Variants in HORMAD1 observed in about 807,000 individuals in gnomAD.
HORMAD1 encodes the protein HORMA domain-containing protein 1.
HORMAD1 carries 33 observed loss-of-function variants against 58.2 expected under a neutral mutation model. The observed-to-expected ratio is 0.57, with a 90% CI of 0.43 to 0.76. HORMAD1 has a LOEUF of 0.76. Ranked by LOEUF, HORMAD1 falls within the 30% of genes least tolerant of loss-of-function variation. The probability of loss-of-function intolerance (pLI) is 0.00; values close to 1 mark genes in which losing one functional copy is unlikely to be tolerated. For synonymous variants in HORMAD1, 137 were observed against 144.6 expected (o/e 0.95, Z 0.38); for missense variants, 363 against 462.0 (o/e 0.79, Z 1.96).
At chr1:150,705,421 A>T (rs767237334) in intron 10 of HORMAD1, among the ~76,000 whole-genome samples, 12 of 152,106 alleles carry the variant, frequency 7.9e-5, no homozygotes, top group Non-Finnish European at 1.5e-4. Context: ...GCTACTTGGG[A>T]AGCTGAGGCA....
intron 3 of HORMAD1, among the ~76,000 whole-genome samples, chr1:150,715,463 T>G (rs1180521215): frequency 6.6e-6 from 1 of 152,174 alleles, no homozygotes; most frequent in Non-Finnish European, 1.5e-5. Context: ...CTACATGAAT[T>G]AACAAGATAT....
intron 3 of HORMAD1, among the ~76,000 whole-genome samples, chr1:150,716,019 G>T (rs926024459): frequency 6.6e-6 from 1 of 151,714 alleles, no homozygotes; most frequent in Admixed American, 6.6e-5. Flanking sequence ...CTAATAAAGG[G>T]ATAAATAAAA....
chr1:150,708,224 C>T, intron 9 of HORMAD1, 32 bp downstream of exon 9: 1 of 1,480,340 alleles, frequency 6.8e-7, no homozygotes, highest in Non-Finnish European at 9.1e-7. Flanking sequence ...AACATATGTA[C>T]CAACTGAAAC....
At chr1:150,706,953 T>G in intron 9 of HORMAD1, 144 bp from the exon 10 acceptor site, 1 of 602,964 alleles carries the variant, frequency 1.7e-6, no homozygotes, top group Non-Finnish European at 2.6e-6. Flanking sequence ...TCCTGCTATG[T>G]CCAAGTCCCC....
intron 14 of HORMAD1, 128 bp downstream of exon 14, chr1:150,699,984 A>G (rs1290535615): frequency 2.0e-6 from 1 of 498,926 alleles, no homozygotes; most frequent in Non-Finnish European, 3.5e-6. Flanking sequence ...ATATTTAAAC[A>G]AAATTTGAAT....
rs587597426 is a variant in HORMAD1, at chr1:150,716,950, G to A, written c.178+188C>T. On this transcript the variant is annotated intron_variant, in intron 3 of 14. Coordinates refer to ENST00000361824, the MANE Select transcript of HORMAD1 (RefSeq NM_032132.5). Reference sequence around the variant, plus strand: ...TGCACTCCAGCCCGGGCGAGACCCCGTCTCAAAAAAAAAAAAAAAAAAAAT... The same window carrying A: ...TGCACTCCAGCCCGGGCGAGACCCCATCTCAAAAAAAAAAAAAAAAAAAAT... 1.6e-3 allele frequency among the ~76,000 whole-genome samples: 155 copies of A among 97,530 alleles called. 1 individual carries two copies. The South Asian group carries it at 0.041, about 26-fold the overall frequency. 64.0% of individuals were successfully genotyped at this position (97,530 alleles called of 152,430 possible). A position where few individuals can be genotyped will look rare whatever the true frequency, so the allele number is the denominator to read the frequency against.
chr1:150,716,591 T>C (rs1652084823), intron 3 of HORMAD1, among the ~76,000 whole-genome samples: 1 of 152,096 alleles, frequency 6.6e-6, no homozygotes, highest in African/African-American at 2.4e-5. Flanking sequence ...TTAAGGGGTA[T>C]GGAGTTTCTT....
intron 10 of HORMAD1, 38 bp downstream of exon 10, chr1:150,706,512 TTTG>T (rs1377097022): frequency 4.7e-6 from 7 of 1,480,360 alleles, no homozygotes; most frequent in Middle Eastern, 1.8e-4. Flanking sequence ...GAGTCAAACA[TTTG>T]TTATTATTGT....
intron 3 of HORMAD1, among the ~76,000 whole-genome samples, chr1:150,716,769 C>T (rs1652092446): frequency 6.7e-6 from 1 of 149,872 alleles, no homozygotes; most frequent in Non-Finnish European, 1.5e-5. Flanking sequence ...CGAGACCATC[C>T]TGGCTAACAC....
chr1:150,717,061 C>A, intron 3 of HORMAD1, 77 bp downstream of exon 3: 2 of 904,616 alleles, frequency 2.2e-6, no homozygotes, highest in South Asian at 2.5e-5. Flanking sequence ...ATTTCTAAGT[C>A]AAAAATTATA....
intron 6 of HORMAD1, 81 bp from the exon 7 acceptor site, chr1:150,711,652 G>T: frequency 1.8e-6 from 2 of 1,135,290 alleles, no homozygotes; most frequent in Non-Finnish European, 2.6e-6. Context: ...TAAACTTCAT[G>T]TGAACTCAGC....
Position 150,706,788 on chromosome 1 carries a change from G to A in HORMAD1, c.569C>T (p.Pro190Leu), listed in dbSNP as rs746817337. The A allele has an allele frequency of 6.2e-7, 1 of 1,610,462 alleles. No homozygotes were observed. Among genetic ancestry groups the A allele is most frequent in the Non-Finnish European group, 8.5e-7 (1 of 1,177,658 alleles). The change falls in exon 10 of 15, where the codon CCT (proline) becomes CTT (leucine). Residue 190 changes from proline (P) to leucine (L), a missense_variant. Around this residue, in one of 3 missense-constraint regions of HORMAD1, gnomAD observed 226 missense variants for 257.8 expected, o/e 0.88. Transcript: ENST00000361824. Reference sequence around the variant, plus strand: ...ACAATCACCATCCTTAAAACCGGGAGGCTGGTAATCTGGGGGTGTAACTGC... The same window carrying A: ...ACAATCACCATCCTTAAAACCGGGAAGCTGGTAATCTGGGGGTGTAACTGC... ...YDEVTPPDYQPPGFKDGDCEG... is the reference protein window; with the variant it reads ...YDEVTPPDYQLPGFKDGDCEG...
Position 150,714,740 on chromosome 1 carries a change from A to C in HORMAD1, c.179-62T>G. 4.0e-6 allele frequency: 3 copies of C among 744,492 alleles called. No individual in the cohort carries two copies. In the South Asian group the frequency reaches 6.6e-5, roughly 16 times the overall value. The allele number at this position is 744,492 out of a possible 1,614,324, so 46.1% of individuals were successfully genotyped here. A position where few individuals can be genotyped will look rare whatever the true frequency, so the allele number is the denominator to read the frequency against. Reference sequence around the variant, plus strand: ...GAAAAGTAAACAACTAGAAATTTTAAATGAAGTTTATTTTCTTCTGCTGTG... The same window carrying C: ...GAAAAGTAAACAACTAGAAATTTTACATGAAGTTTATTTTCTTCTGCTGTG... On this transcript the variant is annotated intron_variant, in intron 3 of 14. Coordinates refer to ENST00000361824, the MANE Select transcript of HORMAD1 (RefSeq NM_032132.5).
Position 150,704,358 on chromosome 1 carries a change from GA to G in HORMAD1, c.805-16del, listed in dbSNP as rs1651622364. ...TCCAAATCATCCTACATAATTATGT[GA>G]AGAAAAAAATTGACACATTTCAAAA... On this transcript the variant is annotated splice_polypyrimidine_tract_variant and intron_variant, in intron 10 of 14. Transcript: ENST00000361824. The G allele has an allele frequency of 2.7e-6, 4 of 1,506,014 alleles. No individual in the cohort carries two copies. The highest frequency in any genetic ancestry group is 2.2e-5 in the Admixed American group (1 of 44,524). The allele number at this position is 1,506,014 out of a possible 1,614,324, so 93.3% of individuals were successfully genotyped here.
At chr1:150,711,118 G>A (rs1055762854) in intron 7 of HORMAD1, among the ~76,000 whole-genome samples, 3 of 152,024 alleles carry the variant, frequency 2.0e-5, no homozygotes, top group South Asian at 2.1e-4. Flanking sequence ...TCCCTTTCAC[G>A]TTCTCCCTTC....
intron 13 of HORMAD1, among the ~76,000 whole-genome samples, chr1:150,702,805 A>G (rs1651575569): frequency 6.6e-6 from 1 of 152,196 alleles, no homozygotes; most frequent in Non-Finnish European, 1.5e-5. Flanking sequence ...CTTAATACCT[A>G]GGTAATAGAT....
intron 8 of HORMAD1, 125 bp from the exon 9 acceptor site, chr1:150,708,532 C>A: frequency 1.8e-6 from 1 of 565,012 alleles, no homozygotes; most frequent in South Asian, 4.0e-5. Context: ...TTGAAAGTTA[C>A]CATGTGTTTT....
At chr1:150,720,100 T>G (rs1356951846) in intron 1 of HORMAD1, among the ~76,000 whole-genome samples, 1 of 149,444 alleles carries the variant, frequency 6.7e-6, no homozygotes, top group Non-Finnish European at 1.5e-5. Context: ...TTCGAGACGG[T>G]GTCTCTCTCT....
intron 3 of HORMAD1, 133 bp downstream of exon 3, chr1:150,717,005 C>A (rs1652101711): frequency 4.7e-6 from 2 of 422,286 alleles, no homozygotes; most frequent in South Asian, 4.6e-5. Flanking sequence ...AACAAGTGAA[C>A]TGTCAGGTAC....
Sources: allele counts gnomAD v4.1 joint callset (sites outside exome capture counted in the v4.1 genomes callset), GRCh38; gene constraint gnomAD v4.1.1; regional missense constraint gnomAD v4.1.1; transcripts MANE v1.5; gene names NCBI Gene and HGNC (gene_info 2026-07-23, HGNC 2026-07-21).